Variants in RPRD1A observed in about 807,000 individuals in gnomAD.
RPRD1A encodes the protein regulation of nuclear pre-mRNA domain-containing protein 1A.
A neutral mutation model predicts 37.8 loss-of-function variants in RPRD1A; 9 were observed. The ratio of observed to expected loss-of-function variants is 0.24; its 90% CI spans 0.14 to 0.42. RPRD1A has a LOEUF of 0.42. Ranked by LOEUF, RPRD1A falls within the 10% of genes least tolerant of loss-of-function variation. The pLI, the probability that RPRD1A is intolerant of heterozygous loss-of-function variation, is 1.00. For missense variants in RPRD1A, 255 were observed against 371.0 expected, an observed-to-expected ratio of 0.69 and a Z score of 2.57; for synonymous variants, 138 against 139.7, an observed-to-expected ratio of 0.99 and a Z score of 0.08.
Position 36,067,445 on chromosome 18 carries a change from C to A in RPRD1A, c.-41G>T, listed in dbSNP as rs756638179. The A allele has an allele frequency of 1.9e-6, 3 of 1,579,338 alleles. No individual in the cohort carries two copies. Among genetic ancestry groups the A allele is most frequent in the Non-Finnish European group, 2.6e-6 (3 of 1,161,448 alleles). ...TTCACGCCGTCCCACGCGGTGGGGC[C>A]GAGGGGAGGAGAGTTTCGCCGCCCT... is the stretch of plus-strand genomic sequence containing the variant. On this transcript the variant is annotated 5_prime_UTR_variant, in exon 1 of 7. Coordinates refer to ENST00000399022, the MANE Select transcript of RPRD1A (RefSeq NM_018170.5).
Position 36,067,428 on chromosome 18 carries a change from GT to G in RPRD1A, c.-25del. On this transcript the variant is annotated 5_prime_UTR_variant, in exon 1 of 7. Coordinates refer to ENST00000399022, the MANE Select transcript of RPRD1A (RefSeq NM_018170.5). Reference sequence around the variant, plus strand: ...ATCCCTCCGACACCACGTTCACGCCGTCCCACGCGGTGGGGCCGAGGGGAGG... The same window carrying G: ...ATCCCTCCGACACCACGTTCACGCCGCCCACGCGGTGGGGCCGAGGGGAGG... 6.3e-7 allele frequency: 1 copy of G among 1,596,248 alleles called. No individual in the cohort carries two copies. Among genetic ancestry groups the G allele is most frequent in the Non-Finnish European group, 8.5e-7 (1 of 1,171,128 alleles).
chr18:36,047,191 G>C (rs888472529), intron 1 of RPRD1A, among the ~76,000 whole-genome samples: 6 of 151,548 alleles, frequency 4.0e-5, no homozygotes, highest in South Asian at 2.1e-4. Flanking sequence ...CTGGGCAACA[G>C]AGCAAGACCC....
At chr18:36,047,983 C>G (rs1012036942) in intron 1 of RPRD1A, among the ~76,000 whole-genome samples, 3 of 151,530 alleles carry the variant, frequency 2.0e-5, no homozygotes, top group African/African-American at 7.3e-5. Context: ...CTATGGTACT[C>G]TGATATCAAA....
intron 1 of RPRD1A, among the ~76,000 whole-genome samples, chr18:36,057,632 A>G (rs1257898855): frequency 6.6e-6 from 1 of 151,020 alleles, no homozygotes; most frequent in East Asian, 1.9e-4. Context: ...ATAAATAAAT[A>G]AAAGTTTATC....
At chr18:36,049,532 C>A (rs2144370812) in intron 1 of RPRD1A, among the ~76,000 whole-genome samples, 1 of 152,294 alleles carries the variant, frequency 6.6e-6, no homozygotes, top group Non-Finnish European at 1.5e-5. Context: ...AATGTGACTA[C>A]TCTAGGTGTC....
intron 2 of RPRD1A, among the ~76,000 whole-genome samples, 168 bp downstream of exon 2, chr18:36,033,540 G>A (rs558916174): frequency 6.6e-6 from 1 of 152,188 alleles, no homozygotes; most frequent in African/African-American, 2.4e-5. Context: ...CTTCAGAGAA[G>A]GCATTTAATA....
chr18:36,046,052 A>G (rs1227545167), intron 1 of RPRD1A, among the ~76,000 whole-genome samples: 1 of 152,200 alleles, frequency 6.6e-6, no homozygotes, highest in Non-Finnish European at 1.5e-5. Context: ...GGTGTGATAG[A>G]GCTTTTATGA....
intron 1 of RPRD1A, among the ~76,000 whole-genome samples, chr18:36,054,857 A>G (rs1913651733): frequency 6.8e-6 from 1 of 146,690 alleles, no homozygotes; most frequent in Non-Finnish European, 1.5e-5. Context: ...GGAGAAAAAA[A>G]GAAAGAAAAA....
rs752980996 is a variant in RPRD1A, at chr18:36,062,323, CAAAAAAAA to C, written c.151+4923_151+4930del. 3.0e-4 allele frequency among the ~76,000 whole-genome samples: 12 copies of C among 40,618 alleles called. 1 individual carries two copies. Among genetic ancestry groups the C allele is most frequent in the African/African-American group, 1.1e-3 (11 of 10,120 alleles). 26.6% of individuals were successfully genotyped at this position (40,618 alleles called of 152,430 possible). A position where few individuals can be genotyped will look rare whatever the true frequency, so the allele number is the denominator to read the frequency against. On this transcript the variant is annotated intron_variant, in intron 1 of 6. Transcript: ENST00000399022. ...TGGGCGACAGAGCGAGACTCCGTCT[CAAAAAAAA>C]AAAAAAAAAAAAAAAAACATGTACC...
intron 6 of RPRD1A, among the ~76,000 whole-genome samples, chr18:36,007,895 G>A (rs747216744): frequency 4.6e-5 from 7 of 152,082 alleles, no homozygotes; most frequent in East Asian, 3.9e-4. Context: ...CCGAGATCGC[G>A]CCACTGCACT....
At chr18:36,009,490 C>T (rs1328037716) in intron 6 of RPRD1A, among the ~76,000 whole-genome samples, 2 of 152,214 alleles carry the variant, frequency 1.3e-5, no homozygotes, top group Admixed American at 6.5e-5. Flanking sequence ...TCCACCTTTA[C>T]AACAGTACAT....
At chr18:36,063,244 G>T (rs1339921168) in intron 1 of RPRD1A, among the ~76,000 whole-genome samples, 2 of 152,148 alleles carry the variant, frequency 1.3e-5, no homozygotes, top group African/African-American at 4.8e-5. Flanking sequence ...GAGTGCAGTG[G>T]CGCACTTGGC....
chr18:35,998,129 C>T (rs1164271490), intron 6 of RPRD1A, among the ~76,000 whole-genome samples: 2 of 152,152 alleles, frequency 1.3e-5, no homozygotes, highest in East Asian at 1.9e-4. Context: ...GAGGCCAAGG[C>T]GGGCGGATCA....
chr18:36,049,394 C>A (rs948094632), intron 1 of RPRD1A, among the ~76,000 whole-genome samples: 2 of 152,062 alleles, frequency 1.3e-5, no homozygotes, highest in East Asian at 3.9e-4. Flanking sequence ...AGGCACCAAC[C>A]CATCACACAA....
chr18:36,058,587 G>A (rs1467743671), intron 1 of RPRD1A, among the ~76,000 whole-genome samples: 4 of 152,108 alleles, frequency 2.6e-5, no homozygotes, highest in Non-Finnish European at 5.9e-5. Flanking sequence ...ACGGGCCAAA[G>A]GGAAATTTTA....
chr18:36,005,073 G>C (rs1158807014), intron 6 of RPRD1A, among the ~76,000 whole-genome samples: 1 of 152,140 alleles, frequency 6.6e-6, no homozygotes, highest in East Asian at 1.9e-4. Context: ...AGGCCGAGGC[G>C]GGTGGATCAC....
At chr18:36,012,727 A>G (rs1910256972) in intron 6 of RPRD1A, among the ~76,000 whole-genome samples, 1 of 152,230 alleles carries the variant, frequency 6.6e-6, no homozygotes, top group South Asian at 2.1e-4. Context: ...GGCATTCACT[A>G]TGGGTCTTGG....
chr18:36,029,403 C>CT (rs1873862023), intron 4 of RPRD1A, among the ~76,000 whole-genome samples: 1 of 152,152 alleles, frequency 6.6e-6, no homozygotes, highest in African/African-American at 2.4e-5. Context: ...TTAAAGGATA[C>CT]TAATTTCTGG....
rs1568108659 is a variant in RPRD1A, at chr18:35,993,247, G to C, written c.843C>G (p.Ser281=). 6.2e-7 allele frequency: 1 copy of C among 1,614,128 alleles called. No individual in the cohort carries two copies. Among genetic ancestry groups the C allele is most frequent in the African/African-American group, 1.3e-5 (1 of 75,034 alleles). Residue 281 remains serine, a synonymous_variant, in exon 7 of 7, where the codon TCC becomes TCG. Coordinates refer to ENST00000399022, the MANE Select transcript of RPRD1A (RefSeq NM_018170.5). ...RVSLVRKELR[S]RIQSLPDLSR... is the part of the protein sequence containing the mutation. ...ATAAGTCTGGCAGGCTCTGGATCCG[G>C]GACCTGAGTTCTTTGCGCACCAGGG...
Sources: gnomAD v4.1 joint callset for allele counts (sites outside exome capture counted in the v4.1 genomes callset) on GRCh38, gnomAD v4.1.1 for gene constraint, MANE v1.5 for transcripts, NCBI Gene and HGNC (gene_info 2026-07-23, HGNC 2026-07-21) for gene names.